Variants in OGT observed in about 807,000 individuals in gnomAD.
OGT encodes UDP-N-acetylglucosamine--peptide N-acetylglucosaminyltransferase 110 kDa subunit.
Under a neutral mutation model 75.8 loss-of-function variants are expected in OGT, and 3 were observed. The observed-to-expected ratio is 0.04, with a 90% confidence interval of 0.02 to 0.10. The LOEUF (loss-of-function observed/expected upper bound fraction) is 0.10, where lower values mean the gene tolerates loss of function less well. Among genes scored for constraint, OGT ranks in the 10% least tolerant of loss-of-function variants. The pLI, the probability that OGT is intolerant of heterozygous loss-of-function variation, is 1.00. For synonymous variants in OGT, 257 were observed against 289.7 expected, an observed-to-expected ratio of 0.89 and a Z score of 1.15; for missense variants, 260 against 824.4, an observed-to-expected ratio of 0.32 and a Z score of 8.38.
intron 5 of OGT, among the ~76,000 whole-genome samples, chrX:71,551,424 G>A (rs188490578): frequency 6.5e-4 from 73 of 112,403 alleles, no homozygotes; most frequent in African/African-American, 2.3e-3. Context: ...CTGAGGTCAG[G>A]AGTTCGAGAC....
In OGT at chrX:71,550,191, A is replaced by G. The variant is rs183062115; in HGVS notation, c.648+2168A>G. On this transcript the variant is annotated intron_variant, in intron 5 of 21. Transcript: ENST00000373719. Reference sequence around the variant, plus strand: ...TCCCAAAATGGCTGTGCCAATTTATACTTCCCCCATCAGTTACAAGGCTTC... The same window carrying G: ...TCCCAAAATGGCTGTGCCAATTTATGCTTCCCCCATCAGTTACAAGGCTTC... Among the ~76,000 whole-genome samples the G allele has an allele frequency of 3.2e-4, 36 of 112,044 alleles. No individual in the cohort carries two copies. The East Asian group carries it at 9.2e-3, about 29-fold the overall frequency.
At chrX:71,551,515 C>G (rs2040303984) in intron 5 of OGT, among the ~76,000 whole-genome samples, 2 of 111,794 alleles carry the variant, frequency 1.8e-5, no homozygotes, top group African/African-American at 6.5e-5. Context: ...GCCTGTAATC[C>G]CAGCTACTCA....
At position 71,543,729 on chromosome X, in the gene OGT, T is replaced by A. The variant is rs1256891150; in HGVS notation, c.463-838T>A. On this transcript the variant is annotated intron_variant, in intron 3 of 21. Coordinates refer to ENST00000373719, the MANE Select transcript of OGT (RefSeq NM_181672.3). The stretch of plus-strand genomic sequence containing the variant: ...TTGAATAACATAGTTGGACAAATAT[T>A]TGAGATGTGTGTGTGTGTGTGTGTG... Among the ~76,000 whole-genome samples the A allele has an allele frequency of 3.1e-5, 3 of 97,488 alleles. No homozygotes were observed. The Admixed American group carries it at 3.6e-4, about 12-fold the overall frequency. The allele number at this position is 97,488 out of a possible 115,157, so 84.7% of individuals were successfully genotyped here.
intron 6 of OGT, 86 bp downstream of exon 6, chrX:71,554,678 C>A (rs1051622257): frequency 1.4e-6 from 1 of 719,115 alleles, no homozygotes; most frequent in Non-Finnish European, 2.2e-6. Context: ...TGACAATAGT[C>A]CATTGAAGCA....
At chrX:71,546,630 C>T (rs755854586) in intron 4 of OGT, 2 of 724,486 alleles carry the variant, frequency 2.8e-6, no homozygotes, top group Non-Finnish European at 1.6e-6. Context: ...AGCCACAATT[C>T]TGTCAAAGAT....
Position 71,549,213 on chromosome X carries a change from TTGGGCC to T in OGT, c.648+1195_648+1200del, listed in dbSNP as rs751196740. The stretch of plus-strand genomic sequence containing the variant: ...TGTAGGGCTGAGGTGGGAGGATTGC[TTGGGCC>T]TGGGAGCTGGAGGTTGCAGTGAACC... On this transcript the variant is annotated intron_variant, in intron 5 of 21. Coordinates refer to ENST00000373719, the MANE Select transcript of OGT (RefSeq NM_181672.3). Among the ~76,000 whole-genome samples the T allele has an allele frequency of 1.9e-4, 20 of 102,764 alleles. No individual in the cohort carries two copies. In the East Asian group the frequency reaches 6.2e-3, roughly 32 times the overall value. 89.2% of individuals were successfully genotyped at this position (102,764 alleles called of 115,157 possible).
intron 3 of OGT, among the ~76,000 whole-genome samples, chrX:71,543,766 G>GTATATATATATATATATATATATA (rs397895363): frequency 1.3e-5 from 1 of 78,313 alleles, no homozygotes; most frequent in Non-Finnish European, 2.3e-5. Flanking sequence ...GTGTGTGTGT[G>GTATATATATATATATATATATATA]TATATATATA....
intron 2 of OGT, chrX:71,536,908 G>A (rs184598541): frequency 4.0e-5 from 7 of 177,117 alleles, no homozygotes; most frequent in African/African-American, 1.3e-4. Flanking sequence ...AATGAGACTC[G>A]TGCACATAGC....
At chrX:71,552,091 G>A (rs912674541) in intron 5 of OGT, among the ~76,000 whole-genome samples, 4 of 107,762 alleles carry the variant, frequency 3.7e-5, no homozygotes, top group Admixed American at 9.9e-5. Context: ...GTGCGGTGGC[G>A]TGTGCCTGTA....
chrX:71,548,090 A>G, intron 5 of OGT, 67 bp downstream of exon 5: 1 of 1,044,284 alleles, frequency 9.6e-7, no homozygotes, highest in Non-Finnish European at 1.3e-6. Flanking sequence ...TACTAGAACT[A>G]AATAATAGGT....
chrX:71,553,991 G>A (rs1296071700), intron 5 of OGT, among the ~76,000 whole-genome samples: 1 of 111,784 alleles, frequency 8.9e-6, no homozygotes, highest in Non-Finnish European at 1.9e-5. Context: ...GAGAATCACT[G>A]CTCTAGACAA....
rs766625269 is a variant in OGT, at chrX:71,563,316, A to AT, written c.2266-4dup. On this transcript the variant is annotated splice_polypyrimidine_tract_variant and intron_variant, in intron 17 of 21. Transcript: ENST00000373719. Reference sequence around the variant, plus strand: ...TTCACGATCTTTTCCCTAATGATGCATTTTTTTTTCAGATGAAGTGTCCTG... The same window carrying AT: ...TTCACGATCTTTTCCCTAATGATGCATTTTTTTTTTCAGATGAAGTGTCCTG... The AT allele has an allele frequency of 3.2e-4, 383 of 1,180,977 alleles. 1 individual carries two copies. Among genetic ancestry groups the AT allele is most frequent in the Middle Eastern group, 9.4e-4 (4 of 4,264 alleles).
chrX:71,552,387 ATT>A (rs757206451), intron 5 of OGT, among the ~76,000 whole-genome samples: 20 of 91,884 alleles, frequency 2.2e-4, no homozygotes, highest in Admixed American at 5.0e-4. Context: ...CACTGAATGG[ATT>A]TTTTTTTTTT....
intron 15 of OGT, among the ~76,000 whole-genome samples, chrX:71,562,294 T>A (rs1438694450): frequency 8.9e-6 from 1 of 112,561 alleles, no homozygotes; most frequent in African/African-American, 3.2e-5. Flanking sequence ...CAAAACACCC[T>A]ATCTCTACAA....
intron 19 of OGT, among the ~76,000 whole-genome samples, chrX:71,566,492 C>T (rs144132052): frequency 0.012 from 1,330 of 111,670 alleles, 6 homozygotes; most frequent in Non-Finnish European, 0.021. Context: ...TGAGCCAAAG[C>T]GGGGAAAGCC....
intron 3 of OGT, among the ~76,000 whole-genome samples, chrX:71,543,982 C>T (rs918585240): frequency 1.8e-5 from 2 of 109,062 alleles, no homozygotes; most frequent in African/African-American, 3.3e-5. Context: ...GATGGGGTTT[C>T]GCCATGTTGG....
At chrX:71,561,383 C>T (rs1045942265) in intron 14 of OGT, among the ~76,000 whole-genome samples, 9 of 108,502 alleles carry the variant, frequency 8.3e-5, no homozygotes, top group Admixed American at 7.0e-4. Flanking sequence ...CTGTGGCTCA[C>T]GTGTATAATC....
intron 21 of OGT, among the ~76,000 whole-genome samples, chrX:71,573,362 G>C (rs988437298): frequency 6.2e-5 from 7 of 112,283 alleles, no homozygotes; most frequent in African/African-American, 2.3e-4. Context: ...ACGAAATGGA[G>C]AACGCGTGGT....
At chrX:71,544,485 G>A in intron 3 of OGT, 82 bp from the exon 4 acceptor site, 1 of 895,841 alleles carries the variant, frequency 1.1e-6, no homozygotes, top group Non-Finnish European at 1.6e-6. Flanking sequence ...ATGGCAGGGA[G>A]CTAGATGCTT....
Sources: allele counts gnomAD v4.1 joint callset (sites outside exome capture counted in the v4.1 genomes callset), GRCh38; gene constraint gnomAD v4.1.1; transcripts MANE v1.5; gene names NCBI Gene and HGNC (gene_info 2026-07-23, HGNC 2026-07-21).